The following ARFGEF1 variants were observed in gnomAD, a reference collection of about 807,000 sequenced individuals.
ARFGEF1 encodes the protein brefeldin A-inhibited guanine nucleotide-exchange protein 1.
A neutral mutation model predicts 231.0 loss-of-function variants in ARFGEF1; 42 were observed. The observed-to-expected ratio is 0.18, with a 90% confidence interval of 0.14 to 0.24. The LOEUF (loss-of-function observed/expected upper bound fraction) is 0.24, where lower values mean the gene tolerates loss of function less well. Among genes scored for constraint, ARFGEF1 ranks in the 10% least tolerant of loss-of-function variants. The pLI is 1.00. For missense variants in ARFGEF1, 1,345 were observed against 2,192.0 expected, an observed-to-expected ratio of 0.61 and a Z score of 7.72; for synonymous variants, 710 against 732.3, an observed-to-expected ratio of 0.97 and a Z score of 0.49.
intron 22 of ARFGEF1, among the ~76,000 whole-genome samples, chr8:67,236,325 AAAAAAAAAAAAAAAGATATTAGTT>A (rs1839737053): frequency 1.6e-5 from 2 of 124,162 alleles, no homozygotes; most frequent in African/African-American, 6.2e-5. Flanking sequence ...CTCAAAAAAA[AAAAAAAAAAAAAAAGATATTAGTT>A]AAAAAAAAAA....
At chr8:67,281,886 GA>G (rs1335615580) in intron 7 of ARFGEF1, among the ~76,000 whole-genome samples, 3 of 151,984 alleles carry the variant, frequency 2.0e-5, no homozygotes, top group African/African-American at 7.2e-5. Context: ...GCCAAAGGAA[GA>G]AAACAATAAA....
chr8:67,326,463 A>C (rs1807838255), intron 1 of ARFGEF1, among the ~76,000 whole-genome samples: 1 of 152,224 alleles, frequency 6.6e-6, no homozygotes. Context: ...TGTGTTGAGA[A>C]GGCCTAAATG....
Position 67,253,560 on chromosome 8 carries a change from T to C in ARFGEF1, c.2589A>G (p.Lys863=), listed in dbSNP as rs1339999407. 7 of 1,584,544 alleles carry C rather than the reference T, an allele frequency of 4.4e-6. No individual in the cohort carries two copies. In the Admixed American group the frequency reaches 1.0e-4, roughly 23 times the overall value. Residue 863 remains lysine (K), a synonymous_variant, in exon 18 of 39, where the codon AAA becomes AAG. Coordinates refer to ENST00000262215, the MANE Select transcript of ARFGEF1 (RefSeq NM_006421.5). ...IKMNRGINDS[K]DLPEEYLSAI... is the part of the protein sequence containing the mutation. ...CTGATAGATACTCTTCAGGAAGGTC[T>C]TTACTGTCATTGATACCTCTATTCA... is the stretch of plus-strand genomic sequence containing the variant.
At chr8:67,199,969 A>G (rs1008720955) in intron 38 of ARFGEF1, 2 of 282,754 alleles carry the variant, frequency 7.1e-6, no homozygotes, top group African/African-American at 4.3e-5. Flanking sequence ...GGTTACCTGG[A>G]ACCACTAAAT....
intron 8 of ARFGEF1, among the ~76,000 whole-genome samples, chr8:67,276,644 G>C (rs1805325343): frequency 6.6e-6 from 1 of 152,128 alleles, no homozygotes; most frequent in Non-Finnish European, 1.5e-5. Flanking sequence ...AAAAGAACCT[G>C]TCATTACCAT....
At chr8:67,196,709 T>A (rs1838003216), downstream of ARFGEF1, among the ~76,000 whole-genome samples, 1 of 152,206 alleles carries the variant, frequency 6.6e-6, no homozygotes, top group African/African-American at 2.4e-5. Context: ...CATCTGAAAG[T>A]AAGAAGAAAG....
chr8:67,286,118 G>A (rs1334222357), intron 7 of ARFGEF1, among the ~76,000 whole-genome samples: 2 of 152,190 alleles, frequency 1.3e-5, no homozygotes, highest in African/African-American at 2.4e-5. Context: ...GTATGAGAAT[G>A]CTCTTATTGG....
chr8:67,204,891 T>C (rs1284485347), intron 34 of ARFGEF1, 72 bp from the exon 35 acceptor site: 1 of 1,559,220 alleles, frequency 6.4e-7, no homozygotes, highest in South Asian at 1.1e-5. Flanking sequence ...TTCCATGATA[T>C]TACAATGCTA....
chr8:67,216,445 A>AT (rs1838936276), intron 33 of ARFGEF1, 145 bp downstream of exon 33: 1 of 738,322 alleles, frequency 1.4e-6, no homozygotes. Flanking sequence ...GTAAAAAAAA[A>AT]ATGTCTATTT....
chr8:67,292,575 C>A (rs1247725569), intron 5 of ARFGEF1, among the ~76,000 whole-genome samples: 2 of 152,014 alleles, frequency 1.3e-5, no homozygotes, highest in Non-Finnish European at 2.9e-5. Context: ...TGTCAAATAT[C>A]TTTTAATAAA....
At chr8:67,197,283 A>T (rs1050887657), downstream of ARFGEF1, among the ~76,000 whole-genome samples, 1 of 150,630 alleles carries the variant, frequency 6.6e-6, no homozygotes, top group East Asian at 1.9e-4. Context: ...CCCATCTCTA[A>T]AAAAAAAAAA....
intron 4 of ARFGEF1, among the ~76,000 whole-genome samples, chr8:67,297,064 AC>A (rs1806268103): frequency 6.6e-6 from 1 of 152,230 alleles, no homozygotes; most frequent in African/African-American, 2.4e-5. Flanking sequence ...CAGAATTTCT[AC>A]TGGCCTTGAA....
chr8:67,184,736 T>TTAAAAAAAA (rs1316027774), intron 5 of ARFGEF1, among the ~76,000 whole-genome samples: 12 of 128,480 alleles, frequency 9.3e-5, no homozygotes, highest in African/African-American at 4.2e-4. Flanking sequence ...AAAATAATAA[T>TTAAAAAAAA]AAAAAAATAT....
intron 4 of ARFGEF1, 44 bp from the exon 5 acceptor site, chr8:67,296,654 CT>C (rs369652334): frequency 0.043 from 46,430 of 1,088,080 alleles, 100 homozygotes; most frequent in African/African-American, 0.081. Context: ...TTTTCTTTTT[CT>C]TTTTTTTTTT....
intron 22 of ARFGEF1, among the ~76,000 whole-genome samples, chr8:67,235,729 A>G (rs140831350): frequency 1.0e-3 from 156 of 152,308 alleles, no homozygotes; most frequent in African/African-American, 3.4e-3. Context: ...GTTGAGCCCA[A>G]GAGTTCAAGA....
chr8:67,277,462 AATG>A lies in ARFGEF1; in HGVS notation c.1028-8_1028-6del. 2 of 1,610,108 alleles carry A rather than the reference AATG, an allele frequency of 1.2e-6. No individual in the cohort carries two copies. The highest frequency in any genetic ancestry group is 1.7e-6 in the Non-Finnish European group (2 of 1,177,662). On this transcript the variant is annotated splice_polypyrimidine_tract_variant and splice_region_variant and intron_variant, in intron 7 of 38. Coordinates refer to ENST00000262215, the MANE Select transcript of ARFGEF1 (RefSeq NM_006421.5). Reference sequence around the variant, plus strand: ...TAGTAGTCCCTTCTCCCATATCTAAAATGATAAGAATAAAAACCATGCAAATAT... The same window carrying A: ...TAGTAGTCCCTTCTCCCATATCTAAAATAAGAATAAAAACCATGCAAATAT...
At chr8:67,252,881 T>C (rs925891964) in intron 18 of ARFGEF1, among the ~76,000 whole-genome samples, 1 of 152,184 alleles carries the variant, frequency 6.6e-6, no homozygotes, top group Non-Finnish European at 1.5e-5. Flanking sequence ...AGCTTCCATT[T>C]ATGTGTAACA....
Position 67,227,453 on chromosome 8 carries a change from C to T in ARFGEF1, c.3737G>A (p.Arg1246Gln), listed in dbSNP as rs1206103055. Residue 1246 changes from arginine to glutamine, a missense_variant, in exon 26 of 39, where the codon CGG becomes CAG. Coordinates refer to ENST00000262215, the MANE Select transcript of ARFGEF1 (RefSeq NM_006421.5). ...AATTCAACAAATATAGTACCTGTTC[C>T]GTTTCATTATATGTTCAAAAGGTCT... Reference protein sequence around the residue: ...FLRPFEHIMKRNRSPTIRDMV... With the variant: ...FLRPFEHIMKQNRSPTIRDMV... 9 of 1,612,296 alleles carry T rather than the reference C, an allele frequency of 5.6e-6. No individual in the cohort carries two copies. The highest frequency in any genetic ancestry group is 1.1e-5 in the South Asian group (1 of 90,958).
At chr8:67,272,935 C>A (rs1385052424) in intron 9 of ARFGEF1, among the ~76,000 whole-genome samples, 1 of 151,972 alleles carries the variant, frequency 6.6e-6, no homozygotes, top group Non-Finnish European at 1.5e-5. Context: ...TGGTGAAACC[C>A]TGTCTGTACT....
Sources: allele counts gnomAD v4.1 joint callset (sites outside exome capture counted in the v4.1 genomes callset), GRCh38; gene constraint gnomAD v4.1.1; transcripts MANE v1.5; gene names NCBI Gene and HGNC (gene_info 2026-07-23, HGNC 2026-07-21).